Variants in INPP5D observed in about 807,000 individuals in gnomAD.
INPP5D encodes the protein inositol polyphosphate-5-phosphatase D, also known as phosphatidylinositol 3,4,5-trisphosphate 5-phosphatase 1.
In INPP5D, 33 loss-of-function variants were observed where a neutral mutation model predicts 122.9. The ratio of observed to expected loss-of-function variants is 0.27; its 90% CI spans 0.20 to 0.36. INPP5D has a LOEUF of 0.36. Among genes scored for constraint, INPP5D ranks in the 10% least tolerant of loss-of-function variants. The pLI is 1.00. For missense variants in INPP5D, 1,053 were observed against 1,412.7 expected, an observed-to-expected ratio of 0.75 and a Z score of 4.08; for synonymous variants, 584 against 576.2, an observed-to-expected ratio of 1.01 and a Z score of -0.19.
At chr2:233,095,668 C>T (rs890411168) in intron 2 of INPP5D, among the ~76,000 whole-genome samples, 2 of 150,264 alleles carry the variant, frequency 1.3e-5, no homozygotes, top group African/African-American at 4.9e-5. Flanking sequence ...AAGCAATCCT[C>T]CCACCTTGGC....
chr2:233,145,353 C>A, intron 6 of INPP5D: 1 of 456,174 alleles, frequency 2.2e-6, no homozygotes, highest in Non-Finnish European at 4.4e-6. Context: ...TGGCCAGACA[C>A]TGTTCTGAGC....
rs745638299 is a variant in INPP5D, at chr2:233,079,312, A to G, written c.135-23A>G. 1.1e-5 allele frequency: 17 copies of G among 1,516,030 alleles called. 1 individual carries two copies. The South Asian group carries it at 1.7e-4, about 15-fold the overall frequency. The allele number at this position is 1,516,030 out of a possible 1,614,324, so 93.9% of individuals were successfully genotyped here. On this transcript the variant is annotated intron_variant, in intron 1 of 26. Transcript: ENST00000445964. The stretch of plus-strand genomic sequence containing the variant: ...ACCGGGTCTTCCTGCATGGGTTCTA[A>G]TAAAGTCTTTGATCTATTTCAGGTA...
At chr2:233,109,299 C>G (rs997656742) in intron 2 of INPP5D, among the ~76,000 whole-genome samples, 1 of 152,216 alleles carries the variant, frequency 6.6e-6, no homozygotes, top group African/African-American at 2.4e-5. Flanking sequence ...CTGAGACAGC[C>G]AAGAAGAGCA....
At position 233,174,019 on chromosome 2, in the gene INPP5D, C is replaced by T. The variant is rs149650381; in HGVS notation, c.1989+2867C>T. On this transcript the variant is annotated intron_variant, in intron 17 of 26. Coordinates refer to ENST00000445964, the MANE Select transcript of INPP5D (RefSeq NM_001017915.3). ...TCAATGACATTATCACCCACCTCCA[C>T]ATCTCATCCCATGGAAGGTCCTCGG... Among the ~76,000 whole-genome samples the T allele has an allele frequency of 8.3e-4, 127 of 152,352 alleles. 1 individual carries two copies. The highest frequency in any genetic ancestry group is 2.9e-3 in the African/African-American group (120 of 41,588).
chr2:233,194,774 A>G (rs1047065201), intron 23 of INPP5D, among the ~76,000 whole-genome samples: 6 of 151,834 alleles, frequency 4.0e-5, no homozygotes, highest in African/African-American at 1.2e-4. Flanking sequence ...CTGGGATTAC[A>G]GACGTGACCA....
At chr2:233,191,580 G>A (rs1398311575) in intron 22 of INPP5D, among the ~76,000 whole-genome samples, 3 of 152,188 alleles carry the variant, frequency 2.0e-5, no homozygotes, top group Admixed American at 2.0e-4. Flanking sequence ...CAGAAGAGTT[G>A]GGTCAAGGAG....
chr2:233,084,124 G>A (rs1157662921), intron 2 of INPP5D, among the ~76,000 whole-genome samples: 2 of 152,122 alleles, frequency 1.3e-5, no homozygotes, highest in Non-Finnish European at 2.9e-5. Flanking sequence ...GCGCGACCTC[G>A]GCTCACTGCA....
intron 17 of INPP5D, among the ~76,000 whole-genome samples, chr2:233,172,422 C>T (rs1394045454): frequency 3.9e-5 from 6 of 151,976 alleles, no homozygotes; most frequent in Non-Finnish European, 8.8e-5. Context: ...GCAGGGGCAT[C>T]GGTGAGGAGG....
In INPP5D at chr2:233,163,910, A is replaced by T. The variant is rs774846057; in HGVS notation, c.1437+7A>T. On this transcript the variant is annotated splice_region_variant and intron_variant, in intron 12 of 26. Transcript: ENST00000445964. Reference sequence around the variant, plus strand: ...CAGTGTGACTTTTAAAACAGTGAGCAGCTGGCTGCACGCTGGGTGGGCTTC... The same window carrying T: ...CAGTGTGACTTTTAAAACAGTGAGCTGCTGGCTGCACGCTGGGTGGGCTTC... The T allele has an allele frequency of 6.2e-7, 1 of 1,613,114 alleles. No individual in the cohort carries two copies. Among genetic ancestry groups the T allele is most frequent in the Non-Finnish European group, 8.5e-7 (1 of 1,179,206 alleles).
intron 6 of INPP5D, chr2:233,145,147 C>A: frequency 2.3e-6 from 1 of 444,404 alleles, no homozygotes; most frequent in Non-Finnish European, 4.6e-6. Flanking sequence ...ATTTCCACAC[C>A]TGGCAGCATG....
At chr2:233,193,177 C>G (rs1283708474) in intron 22 of INPP5D, among the ~76,000 whole-genome samples, 1 of 152,252 alleles carries the variant, frequency 6.6e-6, no homozygotes, top group South Asian at 2.1e-4. Flanking sequence ...GCGTGAGCCA[C>G]CACACCCGGT....
chr2:233,165,556 ATG>A (rs957583013), intron 13 of INPP5D, among the ~76,000 whole-genome samples: 5 of 128,594 alleles, frequency 3.9e-5, no homozygotes, highest in Non-Finnish European at 6.6e-5. Flanking sequence ...GTGAGTGTCT[ATG>A]TGTGTGTGTC....
In INPP5D at chr2:233,128,264, C is replaced by T. The variant is rs920008354; in HGVS notation, c.525-2244C>T. 1.1e-4 allele frequency among the ~76,000 whole-genome samples: 16 copies of T among 152,312 alleles called. No individual in the cohort carries two copies. In the East Asian group the frequency reaches 1.3e-3, roughly 13 times the overall value. On this transcript the variant is annotated intron_variant, in intron 4 of 26. Coordinates refer to ENST00000445964, the MANE Select transcript of INPP5D (RefSeq NM_001017915.3). The surrounding 1 kb of genome is among the most constrained non-coding windows in gnomAD (Gnocchi z 4.5). ...CACAACCATCCCCCCACCACCCATC[C>T]GTGGAATAATTGTCTTCCACAAAAC...
rs144243823 is a variant in INPP5D, at chr2:233,186,684, C to CTTTTTTTTTT, written c.2358+806_2358+815dup. On this transcript the variant is annotated intron_variant, in intron 21 of 26. Coordinates refer to ENST00000445964, the MANE Select transcript of INPP5D (RefSeq NM_001017915.3). ...CTTGTTTTTTTTTCTTTTTCTCTTT[C>CTTTTTTTTTT]TTTTTTTTTTTTTTTTTTTTTTTTT... Among the ~76,000 whole-genome samples, 7 of 44,552 alleles carry CTTTTTTTTTT rather than the reference C, an allele frequency of 1.6e-4. 1 individual carries two copies. Among genetic ancestry groups the CTTTTTTTTTT allele is most frequent in the Non-Finnish European group, 2.6e-4 (6 of 23,230 alleles). The allele number at this position is 44,552 out of a possible 152,430, so 29.2% of individuals were successfully genotyped here. A position where few individuals can be genotyped will look rare whatever the true frequency, so the allele number is the denominator to read the frequency against.
chr2:233,103,169 A>G (rs1239102807), intron 2 of INPP5D, among the ~76,000 whole-genome samples: 1 of 152,182 alleles, frequency 6.6e-6, no homozygotes, highest in Non-Finnish European at 1.5e-5. Context: ...CACCCCATGT[A>G]TGCCTTGACC....
rs574303194 is a variant in INPP5D at position 233,122,420 on chromosome 2, G to A, written c.349+163G>A. On this transcript the variant is annotated intron_variant, in intron 3 of 26. Coordinates refer to ENST00000445964, the MANE Select transcript of INPP5D (RefSeq NM_001017915.3). ...CAGGCTCTCTGGTCAGGCAGACATG[G>A]GTTAAAATTCCTCCTCCCCAGCTTA... Among the ~76,000 whole-genome samples the A allele has an allele frequency of 5.3e-5, 8 of 152,312 alleles. 1 individual carries two copies. In the East Asian group the frequency reaches 1.5e-3, roughly 29 times the overall value.
intron 5 of INPP5D, among the ~76,000 whole-genome samples, chr2:233,135,737 C>T (rs1016198346): frequency 1.3e-5 from 2 of 151,914 alleles, no homozygotes; most frequent in African/African-American, 4.8e-5. Flanking sequence ...CTAAGCCTAG[C>T]TCATTCAAGA....
At chr2:233,133,892 T>G in intron 5 of INPP5D, 1 of 443,244 alleles carries the variant, frequency 2.3e-6, no homozygotes, top group Non-Finnish European at 4.6e-6. Context: ...GTGTCTGTTT[T>G]GCTTCCTGCT....
intron 5 of INPP5D, chr2:233,134,020 T>C (rs1354967955): frequency 4.4e-6 from 2 of 456,044 alleles, no homozygotes; most frequent in South Asian, 3.1e-5. Context: ...CACGTGTGCA[T>C]GGCAAAGGTG....
Sources: gnomAD v4.1 joint callset for allele counts (sites outside exome capture counted in the v4.1 genomes callset) on GRCh38, gnomAD v4.1.1 for gene constraint, Gnocchi (gnomAD v3.1) non-coding constraint, MANE v1.5 for transcripts, NCBI Gene and HGNC (gene_info 2026-07-23, HGNC 2026-07-21) for gene names.